The following MTMR6 variants were observed in gnomAD, a reference collection of about 807,000 sequenced individuals.
MTMR6 encodes the protein myotubularin related protein 6, also known as phosphatidylinositol-3,5-bisphosphate 3-phosphatase MTMR6.
A neutral mutation model predicts 80.1 loss-of-function variants in MTMR6; 47 were observed. That is an observed-to-expected ratio of 0.59 (90% CI 0.46 to 0.75). The LOEUF is 0.75. MTMR6 is among the 30% of genes least tolerant of loss of function. MTMR6 has a pLI of 0.00. For missense variants in MTMR6, 629 were observed against 730.9 expected (o/e 0.86, Z 1.61); for synonymous variants, 254 against 253.0 (o/e 1.00, Z -0.04).
At chr13:25,271,239 C>T (rs1212134621) in intron 2 of MTMR6, among the ~76,000 whole-genome samples, 1 of 152,074 alleles carries the variant, frequency 6.6e-6, no homozygotes, top group Non-Finnish European at 1.5e-5. Context: ...GGAAAGTTAG[C>T]TGGGGGCCTT....
At chr13:25,286,975 A>C (rs886441929) in intron 1 of MTMR6, among the ~76,000 whole-genome samples, 1 of 152,112 alleles carries the variant, frequency 6.6e-6, no homozygotes. Context: ...TCCCAGACTT[A>C]TCTCTACGCA....
At chr13:25,254,917 A>C (rs1209291943) in intron 9 of MTMR6, among the ~76,000 whole-genome samples, 5 of 152,130 alleles carry the variant, frequency 3.3e-5, no homozygotes, top group African/African-American at 1.2e-4. Context: ...TAAAAAGACC[A>C]ATTATTTTAA....
At chr13:25,266,746 G>A (rs1184329358) in intron 3 of MTMR6, among the ~76,000 whole-genome samples, 1 of 152,108 alleles carries the variant, frequency 6.6e-6, no homozygotes, top group Non-Finnish European at 1.5e-5. Context: ...AGAACTCTTG[G>A]GGTGCTTCAG....
chr13:25,285,392 C>A (rs1171459707), intron 1 of MTMR6, among the ~76,000 whole-genome samples: 3 of 103,142 alleles, frequency 2.9e-5, no homozygotes, highest in Non-Finnish European at 6.4e-5. Context: ...CTTTTCCGCC[C>A]CCCCCCCCCC....
intron 6 of MTMR6, chr13:25,260,705 A>G: frequency 3.3e-6 from 4 of 1,209,890 alleles, no homozygotes; most frequent in Non-Finnish European, 4.3e-6. Flanking sequence ...AAAAATTAAA[A>G]GTAACGTTAG....
chr13:25,279,458 A>G (rs1209306682), intron 1 of MTMR6, among the ~76,000 whole-genome samples: 2 of 152,112 alleles, frequency 1.3e-5, no homozygotes, highest in Non-Finnish European at 2.9e-5. Flanking sequence ...CCCAGTCTTG[A>G]GTTGTTCTTT....
chr13:25,267,977 G>C (rs1338351802), intron 2 of MTMR6, 36 bp from the exon 3 acceptor site: 1 of 1,540,584 alleles, frequency 6.5e-7, no homozygotes, highest in Admixed American at 2.0e-5. Context: ...CATCAACATG[G>C]AAAGCACTAA....
chr13:25,282,611 C>CT (rs778665309), intron 1 of MTMR6, among the ~76,000 whole-genome samples: 13,726 of 128,962 alleles, frequency 0.11, 940 homozygotes, highest in Admixed American at 0.21. Flanking sequence ...TTTCTTTTTT[C>CT]TTTTTTTTTT....
In MTMR6 at chr13:25,249,505, C is replaced by A. The variant is rs1335215624; in HGVS notation, c.1606-13G>T. On this transcript the variant is annotated splice_polypyrimidine_tract_variant and intron_variant, in intron 13 of 13. Coordinates refer to ENST00000381801, the MANE Select transcript of MTMR6 (RefSeq NM_004685.5). ...GTTGTTTAATTTTCTAGAACAAACACAAATTTGAAAAAATTACTAATTGCA... is the reference window on the plus strand; with the variant it reads ...GTTGTTTAATTTTCTAGAACAAACAAAAATTTGAAAAAATTACTAATTGCA... 1 of 1,600,880 alleles carries A rather than the reference C, an allele frequency of 6.2e-7. No individual in the cohort carries two copies. Among genetic ancestry groups the A allele is most frequent in the African/African-American group, 1.3e-5 (1 of 74,316 alleles).
chr13:25,261,988 C>G (rs2137552515), intron 5 of MTMR6, among the ~76,000 whole-genome samples, 186 bp from the exon 6 acceptor site: 1 of 152,256 alleles, frequency 6.6e-6, no homozygotes, highest in South Asian at 2.1e-4. Flanking sequence ...TCCCAATATT[C>G]TATTCTCATA....
chr13:25,273,835 AG>A, intron 2 of MTMR6, among the ~76,000 whole-genome samples: 1 of 152,152 alleles, frequency 6.6e-6, no homozygotes, highest in Admixed American at 6.5e-5. Flanking sequence ...TAGGAACAAC[AG>A]GTATTTCATA....
chr13:25,263,250 C>G (rs1029774240), intron 5 of MTMR6, among the ~76,000 whole-genome samples: 1 of 152,218 alleles, frequency 6.6e-6, no homozygotes, highest in African/African-American at 2.4e-5. Context: ...TCAAAAGGCT[C>G]AAAACCTCTG....
In MTMR6 at chr13:25,267,938, A is replaced by G. The variant is rs777337361; in HGVS notation, c.145T>C (p.Leu49=). 1.0e-5 allele frequency: 16 copies of G among 1,602,064 alleles called. No homozygotes were observed. Among genetic ancestry groups the G allele is most frequent in the African/African-American group, 1.3e-5 (1 of 74,548 alleles). Residue 49 remains leucine, a synonymous_variant, in exon 3 of 14, where the codon TTA becomes CTA. Transcript: ENST00000381801. ...TCTACTGAGGCAATATGGTGGTGTA[A>G]TATCTACAGCATGAAAAAACATCCA... ...IDSHQKETWI[L]HHHIASVEKL...
chr13:25,286,214 T>C (rs1957951702), intron 1 of MTMR6, among the ~76,000 whole-genome samples: 1 of 152,048 alleles, frequency 6.6e-6, no homozygotes, highest in African/African-American at 2.4e-5. Flanking sequence ...CTTTAAAAGG[T>C]TTGTGAAACA....
intron 5 of MTMR6, among the ~76,000 whole-genome samples, chr13:25,262,861 T>C (rs796888254): frequency 8.5e-5 from 13 of 152,384 alleles, no homozygotes; most frequent in African/African-American, 3.1e-4. Context: ...TACTTTCTGA[T>C]TTGTTAAGTT....
At chr13:25,269,885 G>A (rs1033194301) in intron 2 of MTMR6, among the ~76,000 whole-genome samples, 6 of 151,956 alleles carry the variant, frequency 3.9e-5, no homozygotes, top group South Asian at 2.1e-4. Flanking sequence ...ATATTAATGC[G>A]CCTGTGACAA....
At position 25,274,119 on chromosome 13, in the gene MTMR6, A is replaced by C; in HGVS notation, c.93T>G (p.Leu31=). Residue 31 remains leucine, a synonymous_variant, in exon 2 of 14, where the codon CTT becomes CTG. Coordinates refer to ENST00000381801, the MANE Select transcript of MTMR6 (RefSeq NM_004685.5). ...CGATAAATAATAGATGTGTAGCCGTAAGATACAGTGTTCCTGTTAATGACT... is the reference window on the plus strand; with the variant it reads ...CGATAAATAATAGATGTGTAGCCGTCAGATACAGTGTTCCTGTTAATGACT... ...SNKSLTGTLY[L]TATHLLFIDS... The C allele has an allele frequency of 6.2e-7, 1 of 1,613,414 alleles. No homozygotes were observed. Among genetic ancestry groups the C allele is most frequent in the Non-Finnish European group, 8.5e-7 (1 of 1,179,612 alleles).
intron 5 of MTMR6, among the ~76,000 whole-genome samples, chr13:25,264,452 T>A (rs982500395): frequency 6.6e-6 from 1 of 151,816 alleles, no homozygotes; most frequent in Non-Finnish European, 1.5e-5. Context: ...TAAAAGGACA[T>A]TACTGTGAAA....
At chr13:25,263,933 A>C (rs1466726885) in intron 5 of MTMR6, among the ~76,000 whole-genome samples, 2 of 152,164 alleles carry the variant, frequency 1.3e-5, no homozygotes, top group East Asian at 3.8e-4. Context: ...CCCAAGATAC[A>C]AACCATTCCT....
Sources: allele counts gnomAD v4.1 joint callset (sites outside exome capture counted in the v4.1 genomes callset), GRCh38; gene constraint gnomAD v4.1.1; transcripts MANE v1.5; gene names NCBI Gene and HGNC (gene_info 2026-07-23, HGNC 2026-07-21).